Variants in HYDIN observed in about 807,000 individuals in gnomAD.
HYDIN encodes axonemal central pair apparatus protein HYDIN.
A neutral mutation model predicts 403.9 loss-of-function variants in HYDIN; 132 were observed. The observed-to-expected ratio is 0.33, with a 90% CI of 0.28 to 0.38. The LOEUF is 0.38. Among genes scored for constraint, HYDIN ranks in the 10% least tolerant of loss-of-function variants. The probability of loss-of-function intolerance (pLI) is 1.00; values close to 1 mark genes in which losing one functional copy is unlikely to be tolerated. For synonymous variants in HYDIN, 1,202 were observed against 1,891.7 expected, an observed-to-expected ratio of 0.64 and a Z score of 9.46; for missense variants, 2,827 against 5,009.5, an observed-to-expected ratio of 0.56 and a Z score of 13.15.
At position 70,840,067 on chromosome 16, in the gene HYDIN, A is replaced by G; in HGVS notation, c.13040T>C (p.Met4347Thr). The G allele has an allele frequency of 2.9e-6, 2 of 681,490 alleles. No individual in the cohort carries two copies. Among genetic ancestry groups the G allele is most frequent in the East Asian group, 2.7e-5 (1 of 36,984 alleles). 42.2% of individuals were successfully genotyped at this position (681,490 alleles called of 1,614,324 possible). The change falls in exon 76 of 86, where the codon ATG (methionine) becomes ACG (threonine). Residue 4347 changes from methionine to threonine, a missense_variant. Coordinates refer to ENST00000393567, the MANE Select transcript of HYDIN (RefSeq NM_001270974.2). ...LVITNKEETP[M>T]SIDCLYTNTT... ...GAGGCTCTGGAAGCCTGCTTACCTCATAGGTGTTTCTTCCTTGTTGGTAAT... is the reference window on the plus strand; with the variant it reads ...GAGGCTCTGGAAGCCTGCTTACCTCGTAGGTGTTTCTTCCTTGTTGGTAAT...
intron 45 of HYDIN, among the ~76,000 whole-genome samples, chr16:70,922,971 T>C (rs1459756935): frequency 6.6e-6 from 1 of 151,880 alleles, no homozygotes; most frequent in African/African-American, 2.4e-5. Context: ...TTTTGCCATG[T>C]TGCCCAGGCT....
intron 62 of HYDIN, among the ~76,000 whole-genome samples, chr16:70,875,827 T>C (rs1233927554): frequency 6.6e-6 from 1 of 152,122 alleles, no homozygotes; most frequent in East Asian, 1.9e-4. Flanking sequence ...ATAAAGCTTA[T>C]TTGAGAGATT....
chr16:71,022,436 C>T (rs1014953630), intron 21 of HYDIN, among the ~76,000 whole-genome samples: 3 of 152,036 alleles, frequency 2.0e-5, no homozygotes, highest in African/African-American at 4.8e-5. Flanking sequence ...ATGAATGGTA[C>T]GATAGTTATA....
chr16:71,137,887 A>G (rs1045320084), intron 7 of HYDIN, among the ~76,000 whole-genome samples: 5 of 143,392 alleles, frequency 3.5e-5, no homozygotes, highest in Admixed American at 1.3e-4. Context: ...AACAGCAATT[A>G]AAACAAAACA....
chr16:70,829,961 G>C, intron 80 of HYDIN, 131 bp from the exon 81 acceptor site: 1 of 588,468 alleles, frequency 1.7e-6, no homozygotes, highest in South Asian at 2.1e-5. Flanking sequence ...CAGTGGGTCC[G>C]TTTCTTTTTC....
At chr16:71,203,045 G>T (rs921005020) in intron 1 of HYDIN, among the ~76,000 whole-genome samples, 9 of 152,284 alleles carry the variant, frequency 5.9e-5, no homozygotes, top group Middle Eastern at 3.4e-3. Flanking sequence ...GGCTTGCTGG[G>T]CCAAAAATGA....
chr16:71,005,293 C>T (rs2079859018), intron 23 of HYDIN, among the ~76,000 whole-genome samples: 2 of 152,044 alleles, frequency 1.3e-5, no homozygotes. Flanking sequence ...TAGCCACTAG[C>T]CACATGTGGC....
intron 1 of HYDIN, among the ~76,000 whole-genome samples, chr16:71,189,320 A>C (rs1367346802): frequency 6.6e-6 from 1 of 152,224 alleles, no homozygotes; most frequent in Non-Finnish European, 1.5e-5. Context: ...TTGATTTTGA[A>C]CCATGTAAGT....
In HYDIN at chr16:71,217,462, A is replaced by G. The variant is rs1401563296; in HGVS notation, c.-24+13100T>C. Among the ~76,000 whole-genome samples the G allele has an allele frequency of 2.6e-5, 4 of 152,306 alleles. No individual in the cohort carries two copies. The East Asian group carries it at 7.7e-4, about 29-fold the overall frequency. ...GCCCAAGTAGAAATACACTACCCAT[A>G]TAAGAATTTCACTTCTGAACAAAAC... On this transcript the variant is annotated intron_variant, in intron 1 of 85. Transcript: ENST00000393567.
chr16:71,160,978 T>TG (rs1219120871), intron 6 of HYDIN, among the ~76,000 whole-genome samples: 1 of 49,734 alleles, frequency 2.0e-5, no homozygotes, highest in Non-Finnish European at 4.0e-5. Flanking sequence ...TTCCACAGAT[T>TG]GGGGGTGGGG....
chr16:70,895,963 T>G lies in HYDIN; in HGVS notation c.9148+18A>C, dbSNP rs764491201. 1.3e-5 allele frequency: 21 copies of G among 1,590,496 alleles called. No homozygotes were observed. Among genetic ancestry groups the G allele is most frequent in the Non-Finnish European group, 1.7e-5 (20 of 1,170,360 alleles). On this transcript the variant is annotated intron_variant, in intron 54 of 85. Coordinates refer to ENST00000393567, the MANE Select transcript of HYDIN (RefSeq NM_001270974.2). ...GACCCAACTTCCAAACATCCTGTCC[T>G]TGAAGGGCCCAACAGACCTTTGGGG...
At chr16:71,189,549 C>CTT (rs893284530) in intron 1 of HYDIN, among the ~76,000 whole-genome samples, 3 of 152,020 alleles carry the variant, frequency 2.0e-5, no homozygotes, top group Non-Finnish European at 4.4e-5. Flanking sequence ...AGGCGGATCA[C>CTT]GCGGTCAGGA....
Position 70,807,906 on chromosome 16 carries a change from T to C in HYDIN, c.15040A>G (p.Ile5014Val), listed in dbSNP as rs990865493. 35 of 1,614,034 alleles carry C rather than the reference T, an allele frequency of 2.2e-5. No homozygotes were observed. The highest frequency in any genetic ancestry group is 3.0e-5 in the Non-Finnish European group (35 of 1,180,030). The change falls in exon 86 of 86, where the codon ATC becomes GTC. Residue 5014 changes from isoleucine to valine, a missense_variant. By Grantham distance (29) the Ile-to-Val change is conservative (BLOSUM62 3). Coordinates refer to ENST00000393567, the MANE Select transcript of HYDIN (RefSeq NM_001270974.2). ...ILSSLAGGEYIIPLFGMALPP... is the reference protein window; with the variant it reads ...ILSSLAGGEYVIPLFGMALPP... The stretch of plus-strand genomic sequence containing the variant: ...AGAGCCATTCCAAAGAGGGGGATGA[T>C]ATACTCTCCACCTGCGAGCGATGAT...
chr16:71,216,280 T>C (rs2088876838), intron 1 of HYDIN, among the ~76,000 whole-genome samples: 2 of 152,086 alleles, frequency 1.3e-5, no homozygotes, highest in African/African-American at 2.4e-5. Flanking sequence ...CACAAATCAA[T>C]AAAGATGATC....
At chr16:70,965,175 T>C (rs971691864) in intron 36 of HYDIN, among the ~76,000 whole-genome samples, 1 of 152,156 alleles carries the variant, frequency 6.6e-6, no homozygotes, top group South Asian at 2.1e-4. Flanking sequence ...AAAACTAATA[T>C]ACACTCTTTT....
intron 83 of HYDIN, among the ~76,000 whole-genome samples, chr16:70,821,748 T>C (rs1213028744): frequency 6.6e-6 from 1 of 152,038 alleles, no homozygotes; most frequent in Non-Finnish European, 1.5e-5. Flanking sequence ...TTTTAAAAAC[T>C]AATTTTTTAA....
chr16:71,176,347 A>C (rs986042290), intron 4 of HYDIN, among the ~76,000 whole-genome samples: 2 of 151,662 alleles, frequency 1.3e-5, no homozygotes, highest in African/African-American at 4.8e-5. Flanking sequence ...AGGGCTCTTT[A>C]ATCAGCTAAA....
rs767067358 is a variant in HYDIN at position 70,921,160 on chromosome 16, C to T, written c.7216G>A (p.Val2406Ile). 18 of 1,488,180 alleles carry T rather than the reference C, an allele frequency of 1.2e-5. No homozygotes were observed. Among genetic ancestry groups the T allele is most frequent in the Non-Finnish European group, 1.3e-5 (14 of 1,098,734 alleles). 92.2% of individuals were successfully genotyped at this position (1,488,180 alleles called of 1,614,324 possible). A position where few individuals can be genotyped will look rare whatever the true frequency, so the allele number is the denominator to read the frequency against. Residue 2406 changes from valine to isoleucine, a missense_variant, in exon 46 of 86, where the codon GTT becomes ATT. By Grantham distance (29) the Val-to-Ile change is conservative (BLOSUM62 3). Transcript: ENST00000393567. ...TTCTCAGACATTGTTTGTTCCCTAA[C>T]AGATATTTTCCTTTCGATTGTCTCC... ...KMETIERKIS[V>I]REQTMSEKEE...
chr16:70,994,701 G>T (rs1396752648), intron 23 of HYDIN, among the ~76,000 whole-genome samples: 1 of 148,906 alleles, frequency 6.7e-6, no homozygotes, highest in Non-Finnish European at 1.5e-5. Context: ...CCAGATTTAG[G>T]AGCTGCCGTG....
Sources: gnomAD v4.1 joint callset for allele counts (sites outside exome capture counted in the v4.1 genomes callset) on GRCh38, gnomAD v4.1.1 for gene constraint, MANE v1.5 for transcripts, NCBI Gene and HGNC (gene_info 2026-07-23, HGNC 2026-07-21) for gene names.